Variants in MAP3K2 observed in about 807,000 individuals in gnomAD.
The protein encoded by MAP3K2 is MAP/ERK kinase kinase 2.
In MAP3K2, 24 loss-of-function variants were observed where a neutral mutation model predicts 80.3. The ratio of observed to expected loss-of-function variants is 0.30; its 90% CI spans 0.22 to 0.42. The LOEUF (loss-of-function observed/expected upper bound fraction) is 0.42. Ranked by LOEUF, MAP3K2 falls within the 10% of genes least tolerant of loss-of-function variation. The probability of loss-of-function intolerance (pLI) is 1.00; values close to 1 mark genes in which losing one functional copy is unlikely to be tolerated. For synonymous variants in MAP3K2, 244 were observed against 253.7 expected (o/e 0.96, Z 0.36); for missense variants, 608 against 750.1 (o/e 0.81, Z 2.21).
At chr2:127,384,847 C>T (rs1347006896) in intron 1 of MAP3K2, among the ~76,000 whole-genome samples, 1 of 152,028 alleles carries the variant, frequency 6.6e-6, no homozygotes, top group Non-Finnish European at 1.5e-5. Context: ...ATGTTGCCCA[C>T]GCTGTTCTTG....
Position 127,325,713 on chromosome 2 carries a change from T to G in MAP3K2, c.677+15A>C, listed in dbSNP as rs1686121304. The G allele has an allele frequency of 1.9e-6, 3 of 1,595,974 alleles. No individual in the cohort carries two copies. Among genetic ancestry groups the G allele is most frequent in the Non-Finnish European group, 1.7e-6 (2 of 1,165,244 alleles). Reference sequence around the variant, plus strand: ...ATAAACAAATAAACCCTCCAAAAACTACGATAAACATTACCCATCCAAAGG... The same window carrying G: ...ATAAACAAATAAACCCTCCAAAAACGACGATAAACATTACCCATCCAAAGG... On this transcript the variant is annotated intron_variant, in intron 9 of 16. Transcript: ENST00000682094.
intron 5 of MAP3K2, among the ~76,000 whole-genome samples, chr2:127,332,855 C>T (rs1427960738): frequency 2.0e-5 from 3 of 152,096 alleles, no homozygotes; most frequent in African/African-American, 2.4e-5. Flanking sequence ...CCAGGCTGGA[C>T]GCAGTGGCTC....
In MAP3K2 at chr2:127,387,850, CGTT is replaced by C; in HGVS notation, c.-467_-465del. ...GGACAGGGGCGCCGAGCGTCCTGGT[CGTT>C]GTTTTCGTCGCCGCCGCGGGCCGTG... is the stretch of plus-strand genomic sequence containing the variant. On this transcript the variant is annotated 5_prime_UTR_variant, in exon 1 of 17. Coordinates refer to ENST00000682094, the MANE Select transcript of MAP3K2 (RefSeq NM_001371910.2). 1 of 984,872 alleles carries C rather than the reference CGTT, an allele frequency of 1.0e-6. No individual in the cohort carries two copies. Among genetic ancestry groups the C allele is most frequent in the Non-Finnish European group, 1.2e-6 (1 of 829,714 alleles). 61.0% of individuals were successfully genotyped at this position (984,872 alleles called of 1,614,324 possible). A position where few individuals can be genotyped will look rare whatever the true frequency, so the allele number is the denominator to read the frequency against.
chr2:127,367,747 C>T (rs926798870), intron 1 of MAP3K2, among the ~76,000 whole-genome samples: 1 of 152,010 alleles, frequency 6.6e-6, no homozygotes, highest in Non-Finnish European at 1.5e-5. Flanking sequence ...GAGCCAAGAT[C>T]GCACCACTGC....
intron 1 of MAP3K2, among the ~76,000 whole-genome samples, chr2:127,346,544 C>T (rs1457171754): frequency 6.6e-6 from 1 of 151,536 alleles, no homozygotes; most frequent in African/African-American, 2.4e-5. Context: ...AATACAGATG[C>T]AAAAATCCTC....
At chr2:127,368,394 G>A (rs769445740) in intron 1 of MAP3K2, among the ~76,000 whole-genome samples, 29 of 152,096 alleles carry the variant, frequency 1.9e-4, no homozygotes, top group East Asian at 3.9e-4. Flanking sequence ...AGGCTGAGGC[G>A]GGCAGATCAC....
chr2:127,384,469 G>A (rs942038753), intron 1 of MAP3K2, among the ~76,000 whole-genome samples: 2 of 152,038 alleles, frequency 1.3e-5, no homozygotes, highest in Non-Finnish European at 2.9e-5. Flanking sequence ...ATTCATGGGA[G>A]GAGGTCAAAA....
chr2:127,341,257 G>A (rs1440564612), intron 2 of MAP3K2, among the ~76,000 whole-genome samples: 1 of 151,922 alleles, frequency 6.6e-6, no homozygotes, highest in Non-Finnish European at 1.5e-5. Flanking sequence ...CCAAAGTGCT[G>A]GGATTACAGG....
At chr2:127,382,646 C>A (rs1687265990) in intron 1 of MAP3K2, among the ~76,000 whole-genome samples, 1 of 152,238 alleles carries the variant, frequency 6.6e-6, no homozygotes, top group Non-Finnish European at 1.5e-5. Context: ...AGTTCTCCTG[C>A]CTCAGCCTCC....
rs111416467 is a variant in MAP3K2 at position 127,310,622 on chromosome 2, G to A, written c.1457-1860C>T. On this transcript the variant is annotated intron_variant, in intron 15 of 16. Coordinates refer to ENST00000682094, the MANE Select transcript of MAP3K2 (RefSeq NM_001371910.2). The surrounding 1 kb of genome is among the most constrained non-coding windows in gnomAD (Gnocchi z 4.8). ...ACTGAGATCATGCCACTGCACTCCCGCCTGGGTGATAAAGTGAGACCCTGT... is the reference window on the plus strand; with the variant it reads ...ACTGAGATCATGCCACTGCACTCCCACCTGGGTGATAAAGTGAGACCCTGT... Among the ~76,000 whole-genome samples the A allele has an allele frequency of 1.3e-4, 20 of 152,246 alleles. No homozygotes were observed. Among genetic ancestry groups the A allele is most frequent in the African/African-American group, 3.4e-4 (14 of 41,552 alleles).
intron 1 of MAP3K2, among the ~76,000 whole-genome samples, chr2:127,377,074 A>G (rs1258292488): frequency 6.6e-6 from 1 of 152,040 alleles, no homozygotes; most frequent in East Asian, 1.9e-4. Flanking sequence ...AAAAAAAAAG[A>G]AATCATACTG....
chr2:127,348,227 A>C (rs570021389), intron 1 of MAP3K2, among the ~76,000 whole-genome samples: 2 of 152,012 alleles, frequency 1.3e-5, no homozygotes, highest in Non-Finnish European at 2.9e-5. Context: ...ATCTCTACTA[A>C]AAACACAAAA....
chr2:127,338,431 A>T (rs1686415820), intron 3 of MAP3K2, among the ~76,000 whole-genome samples: 1 of 152,144 alleles, frequency 6.6e-6, no homozygotes, highest in African/African-American at 2.4e-5. Context: ...TTAGTCACTC[A>T]GGTATCAGGC....
intron 1 of MAP3K2, among the ~76,000 whole-genome samples, chr2:127,377,068 A>C (rs559567563): frequency 7.2e-5 from 11 of 152,118 alleles, no homozygotes; most frequent in Non-Finnish European, 1.6e-4. Context: ...CTCAAAAAAA[A>C]AAAAGAAATC....
In MAP3K2 at chr2:127,300,597, C is replaced by G. The variant is rs192801339; in HGVS notation, c.*6982G>C. ...ATTAAAAGTATTTTTGGTATTAACT[C>G]TTATAATATTTCAGAATTCAGGGTA... On this transcript the variant is annotated 3_prime_UTR_variant, in exon 17 of 17. Coordinates refer to ENST00000682094, the MANE Select transcript of MAP3K2 (RefSeq NM_001371910.2). 12 of 152,184 alleles carry G rather than the reference C, an allele frequency of 7.9e-5. No individual in the cohort carries two copies. In the East Asian group the frequency reaches 2.3e-3, roughly 29 times the overall value. 9.4% of individuals were successfully genotyped at this position (152,184 alleles called of 1,614,324 possible).
chr2:127,331,251 T>TAA (rs957536770), intron 5 of MAP3K2, among the ~76,000 whole-genome samples: 12 of 151,558 alleles, frequency 7.9e-5, no homozygotes, highest in Non-Finnish European at 1.6e-4. Context: ...GTCCTTTTTT[T>TAA]AAAAAAAAAG....
intron 7 of MAP3K2, 132 bp downstream of exon 7, chr2:127,329,789 T>A: frequency 1.7e-6 from 1 of 598,910 alleles, no homozygotes; most frequent in Admixed American, 3.2e-5. Flanking sequence ...AGAGTGTATT[T>A]AAATTAAATT....
At chr2:127,376,158 C>T (rs1574008547) in intron 1 of MAP3K2, among the ~76,000 whole-genome samples, 2 of 152,228 alleles carry the variant, frequency 1.3e-5, no homozygotes, top group Admixed American at 6.5e-5. Context: ...ACAAAAGCTT[C>T]GGAAAAAGAT....
At chr2:127,311,162 G>C (rs907679121) in intron 15 of MAP3K2, among the ~76,000 whole-genome samples, 1 of 152,188 alleles carries the variant, frequency 6.6e-6, no homozygotes, top group African/African-American at 2.4e-5. Context: ...CTCCAGAGGA[G>C]AGTCCAGGGT....
Sources: gnomAD v4.1 joint callset for allele counts (sites outside exome capture counted in the v4.1 genomes callset) on GRCh38, gnomAD v4.1.1 for gene constraint, Gnocchi (gnomAD v3.1) non-coding constraint, MANE v1.5 for transcripts, NCBI Gene and HGNC (gene_info 2026-07-23, HGNC 2026-07-21) for gene names.